SKAP2: variants seen among roughly 807,000 people sequenced by gnomAD.
SKAP2 encodes src kinase associated phosphoprotein 2, also known as src kinase-associated phosphoprotein 2.
Under a neutral mutation model 54.9 loss-of-function variants are expected in SKAP2, and 28 were observed. The ratio of observed to expected loss-of-function variants is 0.51; its 90% CI spans 0.38 to 0.70. The LOEUF (loss-of-function observed/expected upper bound fraction) is 0.70. Among genes scored for constraint, SKAP2 ranks in the 30% least tolerant of loss-of-function variants. SKAP2 has a pLI of 0.00. For synonymous variants in SKAP2, 137 were observed against 134.3 expected (o/e 1.02, Z -0.14); for missense variants, 356 against 424.1 (o/e 0.84, Z 1.41).
At chr7:26,839,168 CTATG>C (rs1201219079) in intron 4 of SKAP2, among the ~76,000 whole-genome samples, 1 of 152,060 alleles carries the variant, frequency 6.6e-6, no homozygotes, top group African/African-American at 2.4e-5. Flanking sequence ...TTCTCAATGG[CTATG>C]TGTTTTATTT....
chr7:26,703,950 T>C (rs1787103954), intron 9 of SKAP2, among the ~76,000 whole-genome samples: 2 of 152,214 alleles, frequency 1.3e-5, no homozygotes, highest in South Asian at 4.1e-4. Flanking sequence ...TTTTCTTCCC[T>C]TTGGGTGTAA....
chr7:26,818,772 G>C (rs1784324356), intron 4 of SKAP2, among the ~76,000 whole-genome samples: 1 of 152,146 alleles, frequency 6.6e-6, no homozygotes, highest in Non-Finnish European at 1.5e-5. Context: ...GATATGAACA[G>C]ACATTTCCCA....
At chr7:26,864,132 C>T (rs1199637869) in intron 1 of SKAP2, among the ~76,000 whole-genome samples, 9 of 150,804 alleles carry the variant, frequency 6.0e-5, no homozygotes, top group Admixed American at 4.0e-4. Flanking sequence ...TTGTGTAGAT[C>T]ACCAAAAAGG....
chr7:26,733,218 C>A (rs1378787139), intron 6 of SKAP2, among the ~76,000 whole-genome samples: 1 of 151,716 alleles, frequency 6.6e-6, no homozygotes, highest in Non-Finnish European at 1.5e-5. Context: ...GTAATAATTT[C>A]TGATAAAAGT....
At chr7:26,855,731 A>T (rs999843115) in intron 1 of SKAP2, among the ~76,000 whole-genome samples, 1 of 152,162 alleles carries the variant, frequency 6.6e-6, no homozygotes, top group South Asian at 2.1e-4. Context: ...ACAAGTCCTT[A>T]CAGGTTTAAT....
chr7:26,841,480 G>A (rs2127995174), intron 4 of SKAP2, among the ~76,000 whole-genome samples: 1 of 152,120 alleles, frequency 6.6e-6, no homozygotes, highest in South Asian at 2.1e-4. Flanking sequence ...CCTTGGCTAT[G>A]ATTTAATTGC....
the SKAP2 span, among the ~76,000 whole-genome samples, chr7:26,661,456 A>G: frequency 1.3e-5 from 2 of 151,998 alleles, no homozygotes; most frequent in East Asian, 1.9e-4. Context: ...TTTCCTTAGA[A>G]TGTCAGTTTA....
Position 26,762,069 on chromosome 7 carries a change from A to C in SKAP2, c.308-22105T>G, listed in dbSNP as rs540659917. On this transcript the variant is annotated intron_variant, in intron 4 of 12. Coordinates refer to ENST00000345317, the MANE Select transcript of SKAP2 (RefSeq NM_003930.5). ...ACCAATGCTATTTCATACTATCTTGAAACAGTGACATTTCCCTGGTACATT... is the reference window on the plus strand; with the variant it reads ...ACCAATGCTATTTCATACTATCTTGCAACAGTGACATTTCCCTGGTACATT... Among the ~76,000 whole-genome samples, 9 of 152,324 alleles carry C rather than the reference A, an allele frequency of 5.9e-5. No individual in the cohort carries two copies. The East Asian group carries it at 1.5e-3, about 26-fold the overall frequency.
chr7:26,670,041 C>A, intron 12 of SKAP2, 50 bp downstream of exon 12: 1 of 793,306 alleles, frequency 1.3e-6, no homozygotes, highest in Non-Finnish European at 2.3e-6. Context: ...AACGAAGAGA[C>A]CAAGAGAACA....
At chr7:26,779,497 A>C (rs1389041985) in intron 4 of SKAP2, among the ~76,000 whole-genome samples, 1 of 152,088 alleles carries the variant, frequency 6.6e-6, no homozygotes, top group Non-Finnish European at 1.5e-5. Flanking sequence ...ATTAATATCT[A>C]AGACAGAAAT....
Position 26,780,511 on chromosome 7 carries a change from C to T in SKAP2, c.308-40547G>A, listed in dbSNP as rs151112224. Among the ~76,000 whole-genome samples, 616 of 152,122 alleles carry T rather than the reference C, an allele frequency of 4.0e-3. 2 individuals are homozygous for T. The highest frequency in any genetic ancestry group is 7.3e-3 in the Non-Finnish European group (497 of 67,942). ...AGCTTGAAAGCAGTCACAGATAATA[C>T]GTAATGAATGAGCATGATTGTGTCC... On this transcript the variant is annotated intron_variant, in intron 4 of 12. Transcript: ENST00000345317.
At chr7:26,851,719 TAA>T (rs5883051) in intron 3 of SKAP2, among the ~76,000 whole-genome samples, 77 of 132,722 alleles carry the variant, frequency 5.8e-4, no homozygotes, top group African/African-American at 1.1e-3. Flanking sequence ...GTATAATAAT[TAA>T]AAAAAAAAAA....
intron 4 of SKAP2, among the ~76,000 whole-genome samples, chr7:26,795,148 G>C (rs1209595280): frequency 6.6e-6 from 1 of 152,186 alleles, no homozygotes; most frequent in East Asian, 1.9e-4. Flanking sequence ...TGTTACTCTT[G>C]CTACACAGTA....
chr7:26,839,381 T>G (rs546482076), intron 4 of SKAP2, among the ~76,000 whole-genome samples: 1 of 152,248 alleles, frequency 6.6e-6, no homozygotes, highest in South Asian at 2.1e-4. Context: ...TCATTGTTAT[T>G]AAACTGCTAA....
chr7:26,799,087 G>A (rs201096595), intron 4 of SKAP2, among the ~76,000 whole-genome samples: 6 of 148,330 alleles, frequency 4.0e-5, no homozygotes, highest in Admixed American at 1.4e-4. Context: ...AGGCAAGGCA[G>A]GGCAGGGCAA....
intron 4 of SKAP2, among the ~76,000 whole-genome samples, chr7:26,758,141 A>G (rs1782840076): frequency 6.6e-6 from 1 of 152,196 alleles, no homozygotes; most frequent in Non-Finnish European, 1.5e-5. Flanking sequence ...AAAACTCAGG[A>G]AAAAAGTCTG....
intron 4 of SKAP2, among the ~76,000 whole-genome samples, chr7:26,747,974 TA>T (rs747008773): frequency 1.3e-5 from 2 of 152,166 alleles, no homozygotes; most frequent in Non-Finnish European, 2.9e-5. Flanking sequence ...TCCATTAAAA[TA>T]ATGCTCAAAA....
intron 4 of SKAP2, among the ~76,000 whole-genome samples, chr7:26,808,098 C>A (rs1246239507): frequency 6.6e-6 from 1 of 152,000 alleles, no homozygotes; most frequent in Non-Finnish European, 1.5e-5. Context: ...TAAAATAATA[C>A]ACAGGTTTAG....
At chr7:26,852,180 G>A (rs1190268337) in intron 3 of SKAP2, among the ~76,000 whole-genome samples, 2 of 152,050 alleles carry the variant, frequency 1.3e-5, no homozygotes, top group Non-Finnish European at 2.9e-5. Context: ...GAAAATGTAA[G>A]GTGGAGAAAA....
Sources: allele counts gnomAD v4.1 joint callset (sites outside exome capture counted in the v4.1 genomes callset), GRCh38; gene constraint gnomAD v4.1.1; transcripts MANE v1.5; gene names NCBI Gene and HGNC (gene_info 2026-07-23, HGNC 2026-07-21).